Variants in B3GALT5 observed in about 807,000 individuals in gnomAD.
The protein encoded by B3GALT5 is UDP-Gal:betaGlcNAc beta 1,3-galactosyltransferase, polypeptide 5.
For missense variants in B3GALT5, 328 were observed against 396.6 expected, an observed-to-expected ratio of 0.83 and a Z score of 1.47; for synonymous variants, 156 against 158.6, an observed-to-expected ratio of 0.98 and a Z score of 0.12.
intron 3 of B3GALT5, among the ~76,000 whole-genome samples, chr21:39,660,346 T>A (rs1257456087): frequency 6.6e-6 from 1 of 152,230 alleles, no homozygotes; most frequent in Non-Finnish European, 1.5e-5. Flanking sequence ...CCAGAATCTC[T>A]GAGCTTTTTA....
At chr21:39,629,164 G>A (rs1264860526) in intron 1 of B3GALT5, among the ~76,000 whole-genome samples, 2 of 152,062 alleles carry the variant, frequency 1.3e-5, no homozygotes, top group African/African-American at 4.8e-5. Flanking sequence ...ACAGGCCCAC[G>A]CCACTGCACC....
At position 39,668,028 on chromosome 21, in the gene B3GALT5, C is replaced by G. The variant is rs939082319; in HGVS notation, c.*6536C>G. 1 of 152,252 alleles carries G rather than the reference C, an allele frequency of 6.6e-6. No individual in the cohort carries two copies. The highest frequency in any genetic ancestry group is 1.5e-5 in the Non-Finnish European group (1 of 68,064). The allele number at this position is 152,252 out of a possible 1,614,324, so 9.4% of individuals were successfully genotyped here. ...CATTGAGTTCTTGGCACGGCTGTGC[C>G]TAGCACTGGGTGCAGGCTGAATGCA... is the stretch of plus-strand genomic sequence containing the variant. On this transcript the variant is annotated 3_prime_UTR_variant, in exon 4 of 4. Coordinates refer to ENST00000684187, the MANE Select transcript of B3GALT5 (RefSeq NM_001356336.2).
At chr21:39,619,743 A>T (rs912273884) in intron 1 of B3GALT5, among the ~76,000 whole-genome samples, 2 of 152,072 alleles carry the variant, frequency 1.3e-5, no homozygotes, top group African/African-American at 4.8e-5. Context: ...TGACTTTATA[A>T]TATGTCTTGG....
At chr21:39,640,795 A>G (rs2079283797) in intron 1 of B3GALT5, among the ~76,000 whole-genome samples, 1 of 151,806 alleles carries the variant, frequency 6.6e-6, no homozygotes, top group Admixed American at 6.6e-5. Context: ...GTTGGAGTAC[A>G]GTGCTATGAT....
Position 39,619,229 on chromosome 21 carries a change from G to C in B3GALT5, c.-392+6162G>C, listed in dbSNP as rs557990803. On this transcript the variant is annotated intron_variant, in intron 1 of 3. Coordinates refer to ENST00000684187, the MANE Select transcript of B3GALT5 (RefSeq NM_001356336.2). ...AGTCTGAGATCAAAGGTGCCAGCCT[G>C]ATCAGGTTCTGGTGAGGACCCTCTT... Among the ~76,000 whole-genome samples the C allele has an allele frequency of 5.3e-5, 8 of 152,292 alleles. No individual in the cohort carries two copies. In the South Asian group the frequency reaches 1.7e-3, roughly 32 times the overall value.
At chr21:39,617,446 C>T (rs1190185199) in intron 1 of B3GALT5, among the ~76,000 whole-genome samples, 1 of 152,150 alleles carries the variant, frequency 6.6e-6, no homozygotes, top group Non-Finnish European at 1.5e-5. Flanking sequence ...GCAGGCATGT[C>T]TTACATGGCC....
intron 1 of B3GALT5, among the ~76,000 whole-genome samples, chr21:39,618,902 TA>T (rs2079120770): frequency 6.6e-6 from 1 of 152,248 alleles, no homozygotes; most frequent in Non-Finnish European, 1.5e-5. Flanking sequence ...TATTTCTTGC[TA>T]AAAGCCTTCA....
At position 39,673,093 on chromosome 21, in the gene B3GALT5, A is replaced by T. The variant is rs1475832374; in HGVS notation, c.*11601A>T. On this transcript the variant is annotated 3_prime_UTR_variant, in exon 4 of 4. Transcript: ENST00000684187. This position sits in a 1 kb window ranked among gnomAD's most constrained non-coding sequence, Gnocchi z 5.2. ...CTTTGCGGTACAGATTGGCTCCTCG[A>T]TCTTTCAAAGTGTCATTTAAATGGA... 4 of 152,206 alleles carry T rather than the reference A, an allele frequency of 2.6e-5. No homozygotes were observed. The highest frequency in any genetic ancestry group is 5.9e-5 in the Non-Finnish European group (4 of 68,036). 9.4% of individuals were successfully genotyped at this position (152,206 alleles called of 1,614,324 possible).
chr21:39,639,827 T>C (rs908887554), intron 1 of B3GALT5, among the ~76,000 whole-genome samples: 1 of 151,974 alleles, frequency 6.6e-6, no homozygotes, highest in Non-Finnish European at 1.5e-5. Flanking sequence ...ATCCTGTAGC[T>C]CTCCTAGCGG....
At chr21:39,629,764 G>A (rs1320232433) in intron 1 of B3GALT5, among the ~76,000 whole-genome samples, 1 of 152,012 alleles carries the variant, frequency 6.6e-6, no homozygotes, top group Non-Finnish European at 1.5e-5. Context: ...TTAAGTGGTT[G>A]GAATTTTAAA....
intron 1 of B3GALT5, chr21:39,630,389 G>A (rs2079185449): frequency 6.6e-6 from 1 of 152,028 alleles, no homozygotes. Context: ...AAGCGTCAGA[G>A]TCTTAGGTCT....
rs541488587 is a variant in B3GALT5, at chr21:39,656,541, A to G, written c.-160-3212A>G. Among the ~76,000 whole-genome samples, 62 of 152,250 alleles carry G rather than the reference A, an allele frequency of 4.1e-4. 1 individual carries two copies. Among genetic ancestry groups the G allele is most frequent in the Admixed American group, 1.6e-3 (24 of 15,294 alleles). On this transcript the variant is annotated intron_variant, in intron 2 of 3. Transcript: ENST00000684187. ...CTTGAGCTGAGTGCTTTGTCCTTGCATACTCTTTCTGGCCTCATAGTGGGG... is the reference window on the plus strand; with the variant it reads ...CTTGAGCTGAGTGCTTTGTCCTTGCGTACTCTTTCTGGCCTCATAGTGGGG...
Position 39,667,002 on chromosome 21 carries a change from A to C in B3GALT5, c.*5510A>C, listed in dbSNP as rs540940576. The C allele has an allele frequency of 6.6e-6, 1 of 152,332 alleles. No individual in the cohort carries two copies. Among genetic ancestry groups the C allele is most frequent in the South Asian group, 2.1e-4 (1 of 4,830 alleles). The allele number at this position is 152,332 out of a possible 1,614,324, so 9.4% of individuals were successfully genotyped here. ...ATTTTTTAAAACAGCAAATCTGATT[A>C]GGAAACTCAGAGGCCCAGGGAAGCC... On this transcript the variant is annotated 3_prime_UTR_variant, in exon 4 of 4. Transcript: ENST00000684187.
At chr21:39,650,566 C>G (rs552797101) in intron 2 of B3GALT5, among the ~76,000 whole-genome samples, 1 of 152,118 alleles carries the variant, frequency 6.6e-6, no homozygotes, top group African/African-American at 2.4e-5. Context: ...TGGGTGGGGA[C>G]GCTTGAAATT....
intron 1 of B3GALT5, among the ~76,000 whole-genome samples, chr21:39,621,899 T>A (rs1602255029): frequency 6.6e-6 from 1 of 152,168 alleles, no homozygotes; most frequent in East Asian, 1.9e-4. Context: ...ATTCTGTGTA[T>A]CAATGACTTG....
chr21:39,635,394 G>A (rs946367952), intron 1 of B3GALT5, among the ~76,000 whole-genome samples: 10 of 152,130 alleles, frequency 6.6e-5, no homozygotes, highest in Non-Finnish European at 1.3e-4. Context: ...AACAAATCAC[G>A]GATGCGTTTG....
intron 1 of B3GALT5, among the ~76,000 whole-genome samples, chr21:39,629,237 A>G (rs574739207): frequency 7.4e-4 from 113 of 152,016 alleles, no homozygotes; most frequent in Non-Finnish European, 1.2e-3. Flanking sequence ...CTGGTCTCGA[A>G]CTCCTGATCT....
chr21:39,639,350 C>CTTTT (rs1569212187), intron 1 of B3GALT5, among the ~76,000 whole-genome samples: 1,108 of 103,026 alleles, frequency 0.011, 4 homozygotes, highest in Non-Finnish European at 0.014. Flanking sequence ...TTCTTTCTTT[C>CTTTT]CTTCCTTCCT....
chr21:39,620,428 T>G (rs894570137), intron 1 of B3GALT5, among the ~76,000 whole-genome samples: 2 of 152,242 alleles, frequency 1.3e-5, no homozygotes, highest in Non-Finnish European at 2.9e-5. Flanking sequence ...ATGCATTTTC[T>G]ATTGGTTCTG....
Sources: gnomAD v4.1 joint callset for allele counts (sites outside exome capture counted in the v4.1 genomes callset) on GRCh38, gnomAD v4.1.1 for gene constraint, Gnocchi (gnomAD v3.1) non-coding constraint, MANE v1.5 for transcripts, NCBI Gene and HGNC (gene_info 2026-07-23, HGNC 2026-07-21) for gene names.